Variants in LRMDA observed in about 807,000 individuals in gnomAD.
LRMDA encodes the protein leucine-rich melanocyte differentiation-associated protein.
LRMDA carries 18 observed loss-of-function variants against 29.8 expected under a neutral mutation model. The ratio of observed to expected loss-of-function variants is 0.60; its 90% CI spans 0.42 to 0.90. LRMDA has a LOEUF of 0.90. Ranked by LOEUF, LRMDA falls within the 40% of genes least tolerant of loss-of-function variation. The pLI, the probability that LRMDA is intolerant of heterozygous loss-of-function variation, is 0.00. For synonymous variants in LRMDA, 125 were observed against 109.4 expected (o/e 1.14, Z -0.89); for missense variants, 273 against 273.9 (o/e 1.00, Z 0.02).
At chr10:76,424,503 C>T (rs2132524523) in intron 6 of LRMDA, among the ~76,000 whole-genome samples, 1 of 152,276 alleles carries the variant, frequency 6.6e-6, no homozygotes, top group African/African-American at 2.4e-5. Context: ...CGTGCCACTG[C>T]ACTCCAGCCT....
intron 5 of LRMDA, among the ~76,000 whole-genome samples, chr10:76,191,104 A>G (rs777801707): frequency 1.3e-5 from 2 of 152,090 alleles, no homozygotes; most frequent in Non-Finnish European, 2.9e-5. Context: ...TGCTGTTGTG[A>G]CTAGTTCTCT....
intron 2 of LRMDA, among the ~76,000 whole-genome samples, chr10:75,860,345 A>C (rs1844906373): frequency 8.8e-6 from 1 of 114,096 alleles, no homozygotes; most frequent in Non-Finnish European, 1.7e-5. Context: ...TTTTGAGACA[A>C]GTGTCTTGCT....
chr10:76,278,087 A>G (rs1235555099), intron 5 of LRMDA, among the ~76,000 whole-genome samples: 1 of 152,154 alleles, frequency 6.6e-6, no homozygotes, highest in Non-Finnish European at 1.5e-5. Flanking sequence ...GCTTCTTTCT[A>G]GATTTGGATG....
intron 5 of LRMDA, among the ~76,000 whole-genome samples, chr10:76,262,167 A>T (rs1460164432): frequency 6.6e-6 from 1 of 152,208 alleles, no homozygotes; most frequent in Non-Finnish European, 1.5e-5. Context: ...TGAGCCTAGG[A>T]GTTCAAGCTA....
rs1564536217 is a variant in LRMDA at position 75,672,519 on chromosome 10, T to TC, written c.131+234026dup. Among the ~76,000 whole-genome samples, 56 of 28,052 alleles carry TC rather than the reference T, an allele frequency of 2.0e-3. 6 individuals are homozygous for TC. The highest frequency in any genetic ancestry group is 6.8e-3 in the African/African-American group (44 of 6,472). 18.4% of individuals were successfully genotyped at this position (28,052 alleles called of 152,430 possible). On this transcript the variant is annotated intron_variant, in intron 2 of 6. Transcript: ENST00000611255. The stretch of plus-strand genomic sequence containing the variant: ...AAGACACTTCCTTGTATTTTTCTTT[T>TC]CTTTTCCTCCCCTCCCCTCCCCTCC...
intron 3 of LRMDA, among the ~76,000 whole-genome samples, chr10:76,037,154 C>T (rs1200043488): frequency 6.6e-6 from 1 of 152,206 alleles, no homozygotes; most frequent in East Asian, 1.9e-4. Flanking sequence ...TGTAGGCACA[C>T]AGCCAGACAC....
At chr10:75,732,612 C>T (rs1842713176) in intron 2 of LRMDA, among the ~76,000 whole-genome samples, 1 of 152,192 alleles carries the variant, frequency 6.6e-6, no homozygotes, top group African/African-American at 2.4e-5. Flanking sequence ...AGCCCTGGCC[C>T]TCTCTTGTGT....
intron 2 of LRMDA, among the ~76,000 whole-genome samples, chr10:75,973,380 A>G (rs1024191350): frequency 6.7e-6 from 1 of 149,984 alleles, no homozygotes; most frequent in Non-Finnish European, 1.5e-5. Flanking sequence ...CACAGAAATC[A>G]TAATGACCTG....
At chr10:75,879,534 G>A (rs745732079) in intron 2 of LRMDA, among the ~76,000 whole-genome samples, 1 of 152,158 alleles carries the variant, frequency 6.6e-6, no homozygotes, top group African/African-American at 2.4e-5. Flanking sequence ...GTCACTGCTT[G>A]TTGTTGCGCT....
At chr10:75,747,749 GA>G (rs1842906098) in intron 2 of LRMDA, among the ~76,000 whole-genome samples, 1 of 152,180 alleles carries the variant, frequency 6.6e-6, no homozygotes, top group Non-Finnish European at 1.5e-5. Flanking sequence ...TGAGAAGAAA[GA>G]AAAGTCCCAA....
At chr10:75,901,088 A>G (rs989154420) in intron 2 of LRMDA, among the ~76,000 whole-genome samples, 1 of 152,184 alleles carries the variant, frequency 6.6e-6, no homozygotes, top group African/African-American at 2.4e-5. Flanking sequence ...GGAGACAGAG[A>G]GGGAAAGGGA....
intron 5 of LRMDA, among the ~76,000 whole-genome samples, chr10:76,090,381 A>T (rs1849211392): frequency 6.6e-6 from 1 of 152,170 alleles, no homozygotes; most frequent in African/African-American, 2.4e-5. Context: ...GCAGCAGTGT[A>T]AAAGAGAGGT....
chr10:76,548,082 GA>G (rs1184359015), intron 6 of LRMDA, among the ~76,000 whole-genome samples: 1 of 152,146 alleles, frequency 6.6e-6, no homozygotes, highest in Non-Finnish European at 1.5e-5. Flanking sequence ...AAAGTAAGCG[GA>G]AAAGCAAAAT....
At chr10:76,203,448 A>G (rs1376073178) in intron 5 of LRMDA, among the ~76,000 whole-genome samples, 3 of 152,164 alleles carry the variant, frequency 2.0e-5, no homozygotes, top group African/African-American at 7.2e-5. Context: ...GGCCCAAAGT[A>G]TTTTTTAATC....
intron 2 of LRMDA, among the ~76,000 whole-genome samples, chr10:75,897,339 C>G (rs546460786): frequency 6.6e-6 from 1 of 152,288 alleles, no homozygotes; most frequent in Admixed American, 6.5e-5. Flanking sequence ...TCTTGCCTTT[C>G]ATTTTCTAAT....
rs564464054 is a variant in LRMDA, at chr10:75,845,227, A to G, written c.132-190781A>G. Among the ~76,000 whole-genome samples, 10 of 152,068 alleles carry G rather than the reference A, an allele frequency of 6.6e-5. No homozygotes were observed. The South Asian group carries it at 8.3e-4, about 13-fold the overall frequency. ...AGCCACAGGTTTTTTTTTTAAATGC[A>G]ATATTTTGTTTGCAGACGGGTGGCT... On this transcript the variant is annotated intron_variant, in intron 2 of 6. Coordinates refer to ENST00000611255, the MANE Select transcript of LRMDA (RefSeq NM_001305581.2).
At chr10:75,936,612 G>A (rs1016009906) in intron 2 of LRMDA, among the ~76,000 whole-genome samples, 7 of 152,242 alleles carry the variant, frequency 4.6e-5, no homozygotes, top group African/African-American at 1.4e-4. Context: ...ATTTCTCAGC[G>A]TTCTGGAGAC....
chr10:76,143,612 G>A (rs1252604195), intron 5 of LRMDA, among the ~76,000 whole-genome samples: 4 of 151,958 alleles, frequency 2.6e-5, no homozygotes, highest in East Asian at 1.9e-4. Flanking sequence ...AGATGAGTAG[G>A]TTGCAAAAAT....
At chr10:76,459,531 C>T (rs1257729524) in intron 6 of LRMDA, among the ~76,000 whole-genome samples, 2 of 152,106 alleles carry the variant, frequency 1.3e-5, no homozygotes, top group South Asian at 2.1e-4. Context: ...TCCAGAGAAG[C>T]GTTAAATGGA....
Sources: allele counts gnomAD v4.1 joint callset (sites outside exome capture counted in the v4.1 genomes callset), GRCh38; gene constraint gnomAD v4.1.1; transcripts MANE v1.5; gene names NCBI Gene and HGNC (gene_info 2026-07-23, HGNC 2026-07-21).